The following PALLD variants were observed in gnomAD, a reference collection of about 807,000 sequenced individuals.
PALLD encodes the protein palladin.
PALLD carries 61 observed loss-of-function variants against 123.5 expected under a neutral mutation model. The observed-to-expected ratio is 0.49, with a 90% CI of 0.40 to 0.61. PALLD has a LOEUF of 0.61. Among genes scored for constraint, PALLD ranks in the 20% least tolerant of loss-of-function variants. PALLD has a pLI of 0.00. For missense variants in PALLD, 1,273 were observed against 1,377.0 expected (o/e 0.92, Z 1.20); for synonymous variants, 465 against 496.4 (o/e 0.94, Z 0.84).
intron 2 of PALLD, among the ~76,000 whole-genome samples, chr4:168,545,239 A>T (rs1766023867): frequency 6.6e-6 from 1 of 152,160 alleles, no homozygotes; most frequent in South Asian, 2.1e-4. Context: ...AATAGAACTC[A>T]AGATTGGCCG....
intron 2 of PALLD, among the ~76,000 whole-genome samples, chr4:168,578,638 C>A (rs550320662): frequency 6.6e-6 from 1 of 151,658 alleles, no homozygotes; most frequent in Non-Finnish European, 1.5e-5. Context: ...ATACAGTGTT[C>A]TAAACAATAA....
At chr4:168,658,237 T>C (rs773966485) in intron 2 of PALLD, among the ~76,000 whole-genome samples, 5 of 152,100 alleles carry the variant, frequency 3.3e-5, no homozygotes, top group African/African-American at 1.2e-4. Flanking sequence ...ATTTCACTTA[T>C]CTATTTTTAT....
intron 17 of PALLD, among the ~76,000 whole-genome samples, chr4:168,917,752 AT>A (rs1048170747): frequency 6.6e-6 from 1 of 152,072 alleles, no homozygotes; most frequent in Non-Finnish European, 1.5e-5. Flanking sequence ...ATCATTATTT[AT>A]TTTTTACAGT....
intron 10 of PALLD, among the ~76,000 whole-genome samples, chr4:168,753,591 G>A (rs1236671816): frequency 6.6e-6 from 1 of 152,136 alleles, no homozygotes; most frequent in East Asian, 1.9e-4. Flanking sequence ...GGGGGTGACA[G>A]TGTGTCACTT....
intron 10 of PALLD, among the ~76,000 whole-genome samples, chr4:168,766,613 G>T (rs1430884080): frequency 6.6e-6 from 1 of 152,244 alleles, no homozygotes; most frequent in Non-Finnish European, 1.5e-5. Flanking sequence ...ATCTGTAGTG[G>T]CTGCAAGACA....
chr4:168,556,196 C>T (rs1312117382), intron 2 of PALLD, among the ~76,000 whole-genome samples: 2 of 151,952 alleles, frequency 1.3e-5, no homozygotes, highest in Non-Finnish European at 2.9e-5. Flanking sequence ...CCCGGGTTCA[C>T]GCCATTCTCC....
At chr4:168,772,620 T>A (rs1473807580) in intron 10 of PALLD, among the ~76,000 whole-genome samples, 2 of 152,138 alleles carry the variant, frequency 1.3e-5, no homozygotes, top group Non-Finnish European at 2.9e-5. Flanking sequence ...GGTACACAGT[T>A]CCAATTGTAT....
chr4:168,720,243 A>G (rs1785860896), intron 10 of PALLD, among the ~76,000 whole-genome samples: 1 of 152,252 alleles, frequency 6.6e-6, no homozygotes, highest in Non-Finnish European at 1.5e-5. Context: ...TTGTAGAAGA[A>G]TGGCCAATCC....
chr4:168,809,498 C>T (rs966323406), intron 10 of PALLD, among the ~76,000 whole-genome samples: 3 of 152,114 alleles, frequency 2.0e-5, no homozygotes, highest in African/African-American at 4.8e-5. Flanking sequence ...AGAAGAAATG[C>T]TCCAGGGAAA....
chr4:168,606,978 C>T (rs1773244346), intron 2 of PALLD, among the ~76,000 whole-genome samples: 1 of 152,038 alleles, frequency 6.6e-6, no homozygotes, highest in South Asian at 2.1e-4. Flanking sequence ...CAAGATAGGC[C>T]GGCCATTTTT....
chr4:168,721,113 A>T (rs959352957), intron 10 of PALLD, among the ~76,000 whole-genome samples: 9 of 152,238 alleles, frequency 5.9e-5, no homozygotes, highest in African/African-American at 1.9e-4. Context: ...AGTGGCACTC[A>T]ATCATCCATA....
intron 2 of PALLD, among the ~76,000 whole-genome samples, chr4:168,610,939 C>T (rs1773666787): frequency 6.6e-6 from 1 of 152,208 alleles, no homozygotes; most frequent in Non-Finnish European, 1.5e-5. Flanking sequence ...GTGGCTCCAT[C>T]TTCCCAAATC....
chr4:168,528,922 G>A (rs576766396), intron 2 of PALLD, among the ~76,000 whole-genome samples: 9 of 152,174 alleles, frequency 5.9e-5, no homozygotes, highest in Non-Finnish European at 1.2e-4. Context: ...ATATCATGGA[G>A]TTTGGATGAG....
intron 2 of PALLD, among the ~76,000 whole-genome samples, chr4:168,535,983 G>A (rs1410834730): frequency 6.6e-6 from 1 of 152,188 alleles, no homozygotes; most frequent in Non-Finnish European, 1.5e-5. Flanking sequence ...GTACCTTGGT[G>A]CCGGTTAGAG....
chr4:168,860,001 G>A (rs1041656773), intron 10 of PALLD, among the ~76,000 whole-genome samples: 1 of 151,974 alleles, frequency 6.6e-6, no homozygotes, highest in Non-Finnish European at 1.5e-5. Flanking sequence ...CTTACAACAC[G>A]TCTCAATTCT....
chr4:168,841,224 C>G (rs1745995344), intron 10 of PALLD, among the ~76,000 whole-genome samples: 1 of 152,138 alleles, frequency 6.6e-6, no homozygotes, highest in South Asian at 2.1e-4. Context: ...ACCTGGATCT[C>G]CTGAGGCCAA....
intron 10 of PALLD, among the ~76,000 whole-genome samples, chr4:168,762,718 A>G (rs1733121847): frequency 2.0e-5 from 3 of 152,362 alleles, no homozygotes; most frequent in Middle Eastern, 3.4e-3. Context: ...ATAAAGACAC[A>G]CGCACACGTA....
intron 2 of PALLD, among the ~76,000 whole-genome samples, chr4:168,558,310 A>T (rs912181804): frequency 1.1e-4 from 16 of 152,186 alleles, no homozygotes; most frequent in African/African-American, 3.9e-4. Context: ...CTTTCCTGTG[A>T]AACTTTCCAG....
intron 10 of PALLD, among the ~76,000 whole-genome samples, chr4:168,841,914 T>C (rs1746092553): frequency 6.6e-6 from 1 of 152,236 alleles, no homozygotes; most frequent in Non-Finnish European, 1.5e-5. Context: ...CTATCCTATG[T>C]AGTCCAACAA....
Sources: gnomAD v4.1 joint callset for allele counts (sites outside exome capture counted in the v4.1 genomes callset) on GRCh38, gnomAD v4.1.1 for gene constraint, MANE v1.5 for transcripts, NCBI Gene and HGNC (gene_info 2026-07-23, HGNC 2026-07-21) for gene names.